CSMD1: variants seen among roughly 807,000 people sequenced by gnomAD.
The protein encoded by CSMD1 is CUB and sushi domain-containing protein 1.
In CSMD1, 213 loss-of-function variants were observed where a neutral mutation model predicts 417.5. That is an observed-to-expected ratio of 0.51 (90% CI 0.46 to 0.57). The LOEUF (loss-of-function observed/expected upper bound fraction) is 0.57, where lower values mean the gene tolerates loss of function less well. Among genes scored for constraint, CSMD1 ranks in the 20% least tolerant of loss-of-function variants. CSMD1 has a pLI of 0.00. For synonymous variants in CSMD1, 2,862 were observed against 1,736.8 expected, an observed-to-expected ratio of 1.65 and a Z score of -16.11; for missense variants, 6,923 against 4,529.7, an observed-to-expected ratio of 1.53 and a Z score of -15.17.
intron 7 of CSMD1, among the ~76,000 whole-genome samples, chr8:3,692,893 T>C (rs1157907254): frequency 7.2e-5 from 11 of 152,220 alleles, no homozygotes; most frequent in Non-Finnish European, 1.5e-4. Flanking sequence ...TTGATCTTTA[T>C]ATCCTAACAA....
intron 3 of CSMD1, among the ~76,000 whole-genome samples, chr8:4,067,453 A>T (rs965916578): frequency 6.6e-6 from 1 of 151,302 alleles, no homozygotes; most frequent in African/African-American, 2.4e-5. Flanking sequence ...ATACAGTGGT[A>T]TATCAGTTCT....
In CSMD1 at chr8:3,367,203, C is replaced by T. The variant is rs1809640475; in HGVS notation, c.2944G>A (p.Asp982Asn). 6.2e-7 allele frequency: 1 copy of T among 1,613,152 alleles called. No homozygotes were observed. Among genetic ancestry groups the T allele is most frequent in the African/African-American group, 1.3e-5 (1 of 74,774 alleles). Residue 982 changes from aspartate (D) to asparagine (N), a missense_variant, in exon 20 of 70, where the codon GAC becomes AAC. By Grantham distance (23) the Asp-to-Asn change is conservative (BLOSUM62 1). Coordinates refer to ENST00000635120, the MANE Select transcript of CSMD1 (RefSeq NM_033225.6). ...CCATCCTCTGTGATCAGTAAATAGT[C>T]GTGGGAACTCTCAAGATGAAAGGTG... ...FHTFHLESSH[D>N]YLLITEDGSF... is the part of the protein sequence containing the mutation.
intron 3 of CSMD1, among the ~76,000 whole-genome samples, chr8:4,233,144 G>C (rs1002375746): frequency 2.0e-5 from 3 of 152,146 alleles, no homozygotes; most frequent in South Asian, 4.1e-4. Flanking sequence ...CCAGCTTCAA[G>C]AACAATGACA....
intron 5 of CSMD1, among the ~76,000 whole-genome samples, chr8:3,987,962 G>C (rs959240985): frequency 6.6e-6 from 1 of 152,132 alleles, no homozygotes; most frequent in Non-Finnish European, 1.5e-5. Flanking sequence ...CACAACAAAG[G>C]AAACTGCTCA....
chr8:4,243,069 T>C (rs1488612370), intron 3 of CSMD1, among the ~76,000 whole-genome samples: 1 of 152,166 alleles, frequency 6.6e-6, no homozygotes, highest in Non-Finnish European at 1.5e-5. Context: ...GGTAGTTTTT[T>C]CCTTTCTTGC....
chr8:3,689,246 T>A (rs1800108007), intron 7 of CSMD1, among the ~76,000 whole-genome samples: 1 of 152,168 alleles, frequency 6.6e-6, no homozygotes, highest in Non-Finnish European at 1.5e-5. Flanking sequence ...ACAGTTACCA[T>A]GAAGTGAATC....
intron 9 of CSMD1, among the ~76,000 whole-genome samples, chr8:3,579,004 A>T (rs921997967): frequency 6.6e-6 from 1 of 152,240 alleles, no homozygotes; most frequent in Non-Finnish European, 1.5e-5. Context: ...CCTCTTGGAA[A>T]TATAACATCT....
intron 11 of CSMD1, among the ~76,000 whole-genome samples, chr8:3,472,535 T>A (rs762430717): frequency 6.6e-6 from 1 of 152,102 alleles, no homozygotes; most frequent in Non-Finnish European, 1.5e-5. Context: ...CTCTCTATCT[T>A]CCTGTATGTG....
intron 1 of CSMD1, among the ~76,000 whole-genome samples, chr8:4,652,531 G>GA (rs1242681175): frequency 6.6e-6 from 1 of 151,936 alleles, no homozygotes; most frequent in Non-Finnish European, 1.5e-5. Flanking sequence ...CTGCACCTGT[G>GA]ATCCCAGCTA....
chr8:3,051,557 C>A (rs1811818387), intron 50 of CSMD1, among the ~76,000 whole-genome samples: 1 of 151,982 alleles, frequency 6.6e-6, no homozygotes, highest in Non-Finnish European at 1.5e-5. Flanking sequence ...CGTAGTTCAC[C>A]TATATAACAA....
intron 1 of CSMD1, among the ~76,000 whole-genome samples, chr8:4,992,902 A>G (rs566527261): frequency 4.3e-4 from 66 of 152,252 alleles, no homozygotes; most frequent in African/African-American, 1.5e-3. Context: ...ATTCCCGCAG[A>G]CACCCCCTTG....
At chr8:3,441,023 C>T (rs1455437631) in intron 12 of CSMD1, among the ~76,000 whole-genome samples, 1 of 152,084 alleles carries the variant, frequency 6.6e-6, no homozygotes, top group Non-Finnish European at 1.5e-5. Context: ...ATGTTGGTGT[C>T]CCCACATCCA....
In CSMD1 at chr8:3,599,075, C is replaced by T. The variant is rs867004986; in HGVS notation, c.1098-12815G>A. Among the ~76,000 whole-genome samples, 27 of 150,566 alleles carry T rather than the reference C, an allele frequency of 1.8e-4. No individual in the cohort carries two copies. In the South Asian group the frequency reaches 2.3e-3, roughly 13 times the overall value. The stretch of plus-strand genomic sequence containing the variant: ...CAGCCTGGGTGTCAGAGCAAGACTC[C>T]GTCTCAAAAAAGAAAAGAAAAGCTG... On this transcript the variant is annotated intron_variant, in intron 8 of 69. Coordinates refer to ENST00000635120, the MANE Select transcript of CSMD1 (RefSeq NM_033225.6).
At chr8:3,879,849 G>C (rs919657121) in intron 5 of CSMD1, among the ~76,000 whole-genome samples, 14 of 152,072 alleles carry the variant, frequency 9.2e-5, no homozygotes, top group African/African-American at 2.2e-4. Context: ...GTGTGTGTGT[G>C]TGTGTTGCGT....
intron 7 of CSMD1, among the ~76,000 whole-genome samples, chr8:3,622,517 C>A (rs1042125437): frequency 1.3e-5 from 2 of 152,094 alleles, no homozygotes; most frequent in Non-Finnish European, 2.9e-5. Context: ...CCAAGTTGGG[C>A]AAAAACACTC....
chr8:3,390,312 G>A (rs758292131), intron 17 of CSMD1, among the ~76,000 whole-genome samples: 21 of 137,672 alleles, frequency 1.5e-4, no homozygotes, highest in Non-Finnish European at 2.0e-4. Flanking sequence ...CCAAGGTTGT[G>A]CCGTTGCATT....
intron 1 of CSMD1, among the ~76,000 whole-genome samples, chr8:4,822,150 C>T (rs571805057): frequency 6.6e-6 from 1 of 151,882 alleles, no homozygotes; most frequent in African/African-American, 2.4e-5. Flanking sequence ...ATGTTATAAG[C>T]CTCTGAATTT....
intron 12 of CSMD1, among the ~76,000 whole-genome samples, chr8:3,428,105 C>A (rs1563378629): frequency 6.6e-6 from 1 of 152,110 alleles, no homozygotes; most frequent in African/African-American, 2.4e-5. Flanking sequence ...CTTACAGCAC[C>A]TGAAATTTGA....
chr8:4,534,193 T>C (rs1796979943), intron 2 of CSMD1, among the ~76,000 whole-genome samples: 1 of 152,158 alleles, frequency 6.6e-6, no homozygotes, highest in African/African-American at 2.4e-5. Flanking sequence ...GGAGCACAAT[T>C]TAATAGAGCA....
Sources: gnomAD v4.1 joint callset for allele counts (sites outside exome capture counted in the v4.1 genomes callset) on GRCh38, gnomAD v4.1.1 for gene constraint, MANE v1.5 for transcripts, NCBI Gene and HGNC (gene_info 2026-07-23, HGNC 2026-07-21) for gene names.